KCNH7: variants seen among roughly 807,000 people sequenced by gnomAD.
KCNH7 encodes potassium voltage-gated channel subfamily H member 7.
KCNH7 carries 49 observed loss-of-function variants against 120.8 expected under a neutral mutation model. The ratio of observed to expected loss-of-function variants is 0.41; its 90% CI spans 0.32 to 0.51. The LOEUF (loss-of-function observed/expected upper bound fraction) is 0.51, where lower values mean the gene tolerates loss of function less well. KCNH7 is among the 20% of genes least tolerant of loss of function. The pLI is 0.38. For missense variants in KCNH7, 1,097 were observed against 1,446.6 expected, an observed-to-expected ratio of 0.76 and a Z score of 3.92; for synonymous variants, 547 against 516.1, an observed-to-expected ratio of 1.06 and a Z score of -0.81.
At chr2:162,603,949 C>A (rs996699554) in intron 2 of KCNH7, among the ~76,000 whole-genome samples, 1 of 151,956 alleles carries the variant, frequency 6.6e-6, no homozygotes, top group African/African-American at 2.4e-5. Flanking sequence ...TAAATATACA[C>A]CTTAAAAATA....
chr2:162,606,850 A>G (rs1278412795), intron 2 of KCNH7, among the ~76,000 whole-genome samples: 1 of 152,192 alleles, frequency 6.6e-6, no homozygotes, highest in Non-Finnish European at 1.5e-5. Context: ...AAAATATATA[A>G]ACAAAGATAG....
At chr2:162,592,877 AATCTAC>A (rs780323915) in intron 2 of KCNH7, among the ~76,000 whole-genome samples, 2 of 152,118 alleles carry the variant, frequency 1.3e-5, no homozygotes, top group Non-Finnish European at 2.9e-5. Context: ...GACATCCACT[AATCTAC>A]ATCAGAAGTG....
intron 2 of KCNH7, among the ~76,000 whole-genome samples, chr2:162,814,537 C>T (rs1684850820): frequency 6.6e-6 from 1 of 152,166 alleles, no homozygotes; most frequent in South Asian, 2.1e-4. Flanking sequence ...GCTCTTTCAT[C>T]TGTGTAACTG....
Position 162,644,311 on chromosome 2 carries a change from C to CT in KCNH7, c.308-107232dup, listed in dbSNP as rs34066138. On this transcript the variant is annotated intron_variant, in intron 2 of 15. Transcript: ENST00000332142. ...GTCTTTTTAGTACATTAAAGTTTTT[C>CT]TTTTTTTTTTAATAAAGTTGTCCAC... is the stretch of plus-strand genomic sequence containing the variant. Among the ~76,000 whole-genome samples, 175 of 148,390 alleles carry CT rather than the reference C, an allele frequency of 1.2e-3. No homozygotes were observed. The East Asian group carries it at 0.015, about 13-fold the overall frequency.
At chr2:162,474,298 G>T (rs1403844876) in intron 6 of KCNH7, among the ~76,000 whole-genome samples, 1 of 152,110 alleles carries the variant, frequency 6.6e-6, no homozygotes, top group Non-Finnish European at 1.5e-5. Context: ...TGTATATAAA[G>T]GGTCATAATA....
intron 2 of KCNH7, among the ~76,000 whole-genome samples, chr2:162,747,893 T>A (rs1688369205): frequency 6.6e-6 from 1 of 152,198 alleles, no homozygotes; most frequent in Non-Finnish European, 1.5e-5. Flanking sequence ...TGCACAAATG[T>A]CTATAAAGTG....
chr2:162,545,284 A>G (rs553741357), intron 2 of KCNH7, among the ~76,000 whole-genome samples: 2 of 152,320 alleles, frequency 1.3e-5, no homozygotes, highest in East Asian at 3.9e-4. Flanking sequence ...ACTTTGTCCA[A>G]TGCAGCATTT....
At chr2:162,735,663 T>C (rs988096800) in intron 2 of KCNH7, among the ~76,000 whole-genome samples, 9 of 152,206 alleles carry the variant, frequency 5.9e-5, no homozygotes, top group African/African-American at 1.9e-4. Context: ...CCAAATATTT[T>C]AGTTCCCCAG....
chr2:162,614,877 A>C (rs900573207), intron 2 of KCNH7, among the ~76,000 whole-genome samples: 1 of 151,802 alleles, frequency 6.6e-6, no homozygotes, highest in African/African-American at 2.4e-5. Flanking sequence ...CTGAGTAGAA[A>C]GTTCAAGTGT....
At chr2:162,641,564 A>AC (rs567851251) in intron 2 of KCNH7, among the ~76,000 whole-genome samples, 238 of 152,250 alleles carry the variant, frequency 1.6e-3, no homozygotes, top group African/African-American at 5.4e-3. Context: ...AAAAAAAAAA[A>AC]AAGATTGCAT....
rs571410385 is a variant in KCNH7, at chr2:162,485,714, G to A, written c.1128+18729C>T. 7.9e-5 allele frequency among the ~76,000 whole-genome samples: 12 copies of A among 152,198 alleles called. 1 individual carries two copies. The highest frequency in any genetic ancestry group is 1.5e-4 in the Non-Finnish European group (10 of 68,016). On this transcript the variant is annotated intron_variant, in intron 6 of 15. Transcript: ENST00000332142. ...TTAGCAGTAATTCAGGTGCCTGCAG[G>A]TAGGAAAATTTAAGGGCCTGAAATC...
intron 2 of KCNH7, among the ~76,000 whole-genome samples, chr2:162,653,258 C>A (rs182679041): frequency 2.6e-5 from 4 of 152,120 alleles, no homozygotes; most frequent in Middle Eastern, 3.4e-3. Flanking sequence ...ATAAATTAGG[C>A]AAGAGAAAGA....
intron 2 of KCNH7, among the ~76,000 whole-genome samples, chr2:162,713,937 T>C (rs1240188932): frequency 6.6e-6 from 1 of 152,018 alleles, no homozygotes; most frequent in Non-Finnish European, 1.5e-5. Flanking sequence ...TTAGAAGAGA[T>C]GGGGTTTTAC....
At chr2:162,385,319 A>G (rs1483689112) in intron 12 of KCNH7, among the ~76,000 whole-genome samples, 1 of 151,880 alleles carries the variant, frequency 6.6e-6, no homozygotes, top group Non-Finnish European at 1.5e-5. Flanking sequence ...GCAACTTGCT[A>G]TTTGTTTATT....
At chr2:162,520,289 C>G (rs925688570) in intron 3 of KCNH7, among the ~76,000 whole-genome samples, 8 of 150,524 alleles carry the variant, frequency 5.3e-5, no homozygotes, top group African/African-American at 2.0e-4. Context: ...AATATCAATC[C>G]CTTAATTGTA....
intron 2 of KCNH7, among the ~76,000 whole-genome samples, chr2:162,598,294 G>A (rs1445971833): frequency 6.6e-6 from 1 of 151,956 alleles, no homozygotes; most frequent in Non-Finnish European, 1.5e-5. Flanking sequence ...CTATAGTAAC[G>A]GAGTGAAATC....
At chr2:162,708,632 G>A (rs949336985) in intron 2 of KCNH7, among the ~76,000 whole-genome samples, 1 of 151,940 alleles carries the variant, frequency 6.6e-6, no homozygotes, top group African/African-American at 2.4e-5. Flanking sequence ...GCTTCTGGGA[G>A]GATTAAAGAT....
At chr2:162,628,898 C>T (rs1316203478) in intron 2 of KCNH7, among the ~76,000 whole-genome samples, 2 of 152,042 alleles carry the variant, frequency 1.3e-5, no homozygotes, top group South Asian at 2.1e-4. Flanking sequence ...GACCAGTATA[C>T]ATTTTGGACC....
chr2:162,713,983 A>C (rs892153705), intron 2 of KCNH7, among the ~76,000 whole-genome samples: 1 of 152,310 alleles, frequency 6.6e-6, no homozygotes, highest in Non-Finnish European at 1.5e-5. Context: ...TCCTGAAATC[A>C]GGTGATCCAC....
Sources: gnomAD v4.1 joint callset for allele counts (sites outside exome capture counted in the v4.1 genomes callset) on GRCh38, gnomAD v4.1.1 for gene constraint, MANE v1.5 for transcripts, NCBI Gene and HGNC (gene_info 2026-07-23, HGNC 2026-07-21) for gene names.